PCDHA7: variants seen among roughly 807,000 people sequenced by gnomAD.
The protein encoded by PCDHA7 is protocadherin alpha 7, also known as protocadherin alpha-7.
Under a neutral mutation model 57.2 loss-of-function variants are expected in PCDHA7, and 37 were observed. The observed-to-expected ratio is 0.65, with a 90% CI of 0.50 to 0.85. PCDHA7 has a LOEUF of 0.85. Among genes scored for constraint, PCDHA7 ranks in the 40% least tolerant of loss-of-function variants. The pLI is 0.00. For synonymous variants in PCDHA7, 553 were observed against 558.8 expected, an observed-to-expected ratio of 0.99 and a Z score of 0.15; for missense variants, 1,188 against 1,241.8, an observed-to-expected ratio of 0.96 and a Z score of 0.65.
At chr5:140,869,908 C>G in intron 1 of PCDHA7, 4 of 1,610,646 alleles carry the variant, frequency 2.5e-6, no homozygotes, top group Non-Finnish European at 3.4e-6. Flanking sequence ...CGCCACAGAC[C>G]GAGACGAAGG....
chr5:141,000,389 C>A (rs868958582), intron 3 of PCDHA7, among the ~76,000 whole-genome samples: 168 of 62,538 alleles, frequency 2.7e-3, no homozygotes, highest in Non-Finnish European at 3.7e-3. Flanking sequence ...CTCTCTCTCT[C>A]TCTCTCTATA....
At chr5:141,000,361 GTCTCTCTC>G (rs148596731) in intron 3 of PCDHA7, among the ~76,000 whole-genome samples, 2,007 of 26,308 alleles carry the variant, frequency 0.076, 129 homozygotes, top group East Asian at 0.15. Context: ...GTCTCTCTCT[GTCTCTCTC>G]TCTCTCTCTC....
chr5:140,877,508 C>G (rs892674985), intron 1 of PCDHA7: 1 of 1,613,808 alleles, frequency 6.2e-7, no homozygotes, highest in Admixed American at 1.7e-5. Flanking sequence ...CCAAAGACGT[C>G]GTCGCGGGCC....
At chr5:140,944,089 A>G (rs2093608705) in intron 1 of PCDHA7, among the ~76,000 whole-genome samples, 2 of 152,250 alleles carry the variant, frequency 1.3e-5, no homozygotes, top group Non-Finnish European at 1.5e-5. Context: ...AGGCCTGAGT[A>G]AGTTTATATC....
At position 140,841,809 on chromosome 5, in the gene PCDHA7, G is replaced by A. The variant is rs2150323100; in HGVS notation, c.2355+5071G>A. The A allele has an allele frequency of 7.4e-6, 12 of 1,613,786 alleles. 1 individual carries two copies. In the African/African-American group the frequency reaches 1.3e-4, roughly 18 times the overall value. On this transcript the variant is annotated intron_variant, in intron 1 of 3. Coordinates refer to ENST00000525929, the MANE Select transcript of PCDHA7 (RefSeq NM_018910.3). ...GAGGGCGCGTCCGATGCAGATGTTG[G>A]AGCTAACTCCGTGTTAACCTACAGG...
At chr5:140,880,687 C>G (rs999356626) in intron 1 of PCDHA7, among the ~76,000 whole-genome samples, 1 of 152,130 alleles carries the variant, frequency 6.6e-6, no homozygotes, top group Non-Finnish European at 1.5e-5. Context: ...AGAGAATAGT[C>G]ATGGTTAAGT....
chr5:140,849,536 T>C lies in PCDHA7; in HGVS notation c.2355+12798T>C, dbSNP rs2150439955. On this transcript the variant is annotated intron_variant, in intron 1 of 3. Transcript: ENST00000525929. ...AAGTTGTGGATGTAAATGACAATGC[T>C]CCACAGTTGACTATCAAAACGCTCT... The C allele has an allele frequency of 1.9e-6, 3 of 1,597,980 alleles. 1 individual carries two copies. Among genetic ancestry groups the C allele is most frequent in the Non-Finnish European group, 2.6e-6 (3 of 1,167,716 alleles).
intron 1 of PCDHA7, chr5:140,856,419 A>G: frequency 6.3e-7 from 1 of 1,598,426 alleles, no homozygotes; most frequent in Non-Finnish European, 8.6e-7. Context: ...GAAGTGAAGG[A>G]CATTAACGAC....
intron 1 of PCDHA7, among the ~76,000 whole-genome samples, chr5:140,889,657 C>T (rs1411654885): frequency 2.0e-5 from 3 of 152,128 alleles, no homozygotes; most frequent in African/African-American, 7.2e-5. Context: ...GAGATGTCCT[C>T]TTCCCAGCCT....
chr5:140,850,962 G>A lies in PCDHA7; in HGVS notation c.2355+14224G>A, dbSNP rs2150504046. On this transcript the variant is annotated intron_variant, in intron 1 of 3. Coordinates refer to ENST00000525929, the MANE Select transcript of PCDHA7 (RefSeq NM_018910.3). Reference sequence around the variant, plus strand: ...AAGATATTATCGATTACTCCCAGGGGCCGTTCAAATAGTTTTATTCATTTT... The same window carrying A: ...AAGATATTATCGATTACTCCCAGGGACCGTTCAAATAGTTTTATTCATTTT... 3.4e-6 allele frequency: 5 copies of A among 1,475,076 alleles called. No homozygotes were observed. In the African/African-American group the frequency reaches 7.1e-5, roughly 21 times the overall value. The allele number at this position is 1,475,076 out of a possible 1,614,324, so 91.4% of individuals were successfully genotyped here. A position where few individuals can be genotyped will look rare whatever the true frequency, so the allele number is the denominator to read the frequency against.
chr5:140,926,757 A>T, intron 1 of PCDHA7: 1 of 1,278,278 alleles, frequency 7.8e-7, no homozygotes, highest in Non-Finnish European at 1.0e-6. Flanking sequence ...GCGGTCGCTG[A>T]GTATCCAGCC....
intron 1 of PCDHA7, chr5:140,927,406 G>C: frequency 6.2e-7 from 1 of 1,614,210 alleles, no homozygotes; most frequent in East Asian, 2.2e-5. Context: ...CTTTCGCCTG[G>C]ACATGGGATC....
intron 1 of PCDHA7, chr5:140,875,665 C>A: frequency 6.2e-7 from 1 of 1,613,748 alleles, no homozygotes; most frequent in Non-Finnish European, 8.5e-7. Flanking sequence ...GCGCCTGTTC[C>A]GGGTGGCGTC....
At position 140,848,597 on chromosome 5, in the gene PCDHA7, C is replaced by T. The variant is rs151001396; in HGVS notation, c.2355+11859C>T. ...TGGGGAGCGGCCAGCTCCACTACTC[C>T]GTCCCGGAGGAAGCCGAACACGGCA... is the stretch of plus-strand genomic sequence containing the variant. On this transcript the variant is annotated intron_variant, in intron 1 of 3. Coordinates refer to ENST00000525929, the MANE Select transcript of PCDHA7 (RefSeq NM_018910.3). The T allele has an allele frequency of 5.0e-6, 8 of 1,591,350 alleles. 1 individual carries two copies. The African/African-American group carries it at 6.7e-5, about 13-fold the overall frequency.
intron 1 of PCDHA7, chr5:140,926,754 C>T: frequency 1.6e-6 from 2 of 1,283,492 alleles, no homozygotes; most frequent in Non-Finnish European, 2.0e-6. Flanking sequence ...TCGGCGGTCG[C>T]TGAGTATCCA....
chr5:140,890,350 T>C (rs1199144948), intron 1 of PCDHA7, among the ~76,000 whole-genome samples: 1 of 152,186 alleles, frequency 6.6e-6, no homozygotes, highest in Non-Finnish European at 1.5e-5. Flanking sequence ...GTTTACTATA[T>C]AGCAATGGAT....
At chr5:140,869,771 C>T (rs1554163429) in intron 1 of PCDHA7, 11 of 1,613,176 alleles carry the variant, frequency 6.8e-6, no homozygotes, top group Middle Eastern at 1.6e-4. Flanking sequence ...CCAGAGCTTA[C>T]TGGCACCGTT....
chr5:140,944,182 G>GTTTGT (rs750577669), intron 1 of PCDHA7, among the ~76,000 whole-genome samples: 5 of 152,052 alleles, frequency 3.3e-5, no homozygotes, highest in East Asian at 1.9e-4. Flanking sequence ...TTTTTTGTTG[G>GTTTGT]TTTGTTTTGT....
chr5:141,002,261 C>A (rs373363788), intron 3 of PCDHA7, among the ~76,000 whole-genome samples: 1 of 152,224 alleles, frequency 6.6e-6, no homozygotes, highest in East Asian at 1.9e-4. Context: ...CACTGAAATC[C>A]CAGAGCTGGT....
Sources: allele counts gnomAD v4.1 joint callset (sites outside exome capture counted in the v4.1 genomes callset), GRCh38; gene constraint gnomAD v4.1.1; transcripts MANE v1.5; gene names NCBI Gene and HGNC (gene_info 2026-07-23, HGNC 2026-07-21).